Variants in TNFSF4 observed in about 807,000 individuals in gnomAD.
The protein encoded by TNFSF4 is TNF superfamily member 4, also known as tumor necrosis factor ligand superfamily member 4.
A neutral mutation model predicts 7.3 loss-of-function variants in TNFSF4; 4 were observed. That is an observed-to-expected ratio of 0.55 (90% confidence interval 0.27 to 1.25). TNFSF4 has a LOEUF of 1.25. Ranked by LOEUF, TNFSF4 falls within the 50% of genes most tolerant of loss-of-function variation. The pLI is 0.12. For synonymous variants in TNFSF4, 76 were observed against 83.7 expected, an observed-to-expected ratio of 0.91 and a Z score of 0.50; for missense variants, 181 against 208.8, an observed-to-expected ratio of 0.87 and a Z score of 0.82.
At chr1:173,225,298 C>T in the TNFSF4 span, among the ~76,000 whole-genome samples, 18 of 152,306 alleles carry the variant, frequency 1.2e-4, no homozygotes, top group African/African-American at 4.3e-4. Flanking sequence ...TTCCTGACTT[C>T]TAAACATCAC....
At chr1:173,401,776 TAC>T in the TNFSF4 span, among the ~76,000 whole-genome samples, 1 of 152,084 alleles carries the variant, frequency 6.6e-6, no homozygotes, top group Admixed American at 6.6e-5. Flanking sequence ...TACATACATA[TAC>T]ACACACATAT....
At chr1:173,335,260 G>A in the TNFSF4 span, among the ~76,000 whole-genome samples, 1 of 152,070 alleles carries the variant, frequency 6.6e-6, no homozygotes, top group African/African-American at 2.4e-5. Flanking sequence ...AGATTGGAAT[G>A]TTAGAGTGGA....
chr1:173,305,252 T>G, the TNFSF4 span, among the ~76,000 whole-genome samples: 1 of 151,974 alleles, frequency 6.6e-6, no homozygotes, highest in Non-Finnish European at 1.5e-5. Flanking sequence ...TCCTGTTATT[T>G]CCCATAAATT....
At chr1:173,313,220 TA>T in the TNFSF4 span, among the ~76,000 whole-genome samples, 1 of 152,148 alleles carries the variant, frequency 6.6e-6, no homozygotes, top group African/African-American at 2.4e-5. Flanking sequence ...TTATACAGTT[TA>T]TTTTTTTCTT....
chr1:173,332,550 A>T, the TNFSF4 span, among the ~76,000 whole-genome samples: 1 of 151,418 alleles, frequency 6.6e-6, no homozygotes, highest in East Asian at 2.0e-4. Context: ...AAATTAATTA[A>T]TTAAATAAAA....
At chr1:173,448,537 G>A in the TNFSF4 span, among the ~76,000 whole-genome samples, 1 of 152,096 alleles carries the variant, frequency 6.6e-6, no homozygotes, top group East Asian at 1.9e-4. Context: ...GATAGGGGTG[G>A]GGCCATTTTA....
chr1:173,268,101 C>G, the TNFSF4 span, among the ~76,000 whole-genome samples: 65 of 152,226 alleles, frequency 4.3e-4, 2 homozygotes, highest in South Asian at 0.013. Flanking sequence ...AAGACATCCT[C>G]AGATTAAGGG....
the TNFSF4 span, among the ~76,000 whole-genome samples, chr1:173,292,006 C>CA: frequency 2.1e-4 from 31 of 144,266 alleles, no homozygotes; most frequent in African/African-American, 4.7e-4. Flanking sequence ...AATCTACCAA[C>CA]AAAAAAAAAA....
the TNFSF4 span, among the ~76,000 whole-genome samples, chr1:173,279,209 A>G: frequency 6.6e-6 from 1 of 152,122 alleles, no homozygotes; most frequent in Non-Finnish European, 1.5e-5. Flanking sequence ...TCAAATGAAC[A>G]TCTACATTTC....
At chr1:173,245,069 A>T in the TNFSF4 span, among the ~76,000 whole-genome samples, 6 of 151,898 alleles carry the variant, frequency 4.0e-5, no homozygotes, top group African/African-American at 1.5e-4. Flanking sequence ...CTTCTACAGA[A>T]GAGAAAAGGA....
At chr1:173,222,527 G>A in the TNFSF4 span, among the ~76,000 whole-genome samples, 1 of 152,190 alleles carries the variant, frequency 6.6e-6, no homozygotes, top group African/African-American at 2.4e-5. Context: ...AAATTAGCAA[G>A]ATTTAGAGGT....
chr1:173,311,846 G>A, the TNFSF4 span, among the ~76,000 whole-genome samples: 2 of 152,082 alleles, frequency 1.3e-5, no homozygotes, highest in African/African-American at 2.4e-5. Context: ...ATTTGGAGAC[G>A]AGGAGCAACA....
At chr1:173,384,186 T>C in the TNFSF4 span, among the ~76,000 whole-genome samples, 24 of 152,282 alleles carry the variant, frequency 1.6e-4, no homozygotes, top group Middle Eastern at 3.4e-3. Flanking sequence ...AGTGTAAAGA[T>C]CAGCAAATAT....
chr1:173,321,938 A>C, the TNFSF4 span, among the ~76,000 whole-genome samples: 1 of 152,198 alleles, frequency 6.6e-6, no homozygotes, highest in Non-Finnish European at 1.5e-5. Context: ...CAGTAATACC[A>C]TTTGACCCAA....
chr1:173,244,041 TCTC>T, the TNFSF4 span, among the ~76,000 whole-genome samples: 1 of 152,182 alleles, frequency 6.6e-6, no homozygotes, highest in Non-Finnish European at 1.5e-5. Flanking sequence ...CACGTTTTCT[TCTC>T]CTGATCTTGT....
At chr1:173,243,518 C>T in the TNFSF4 span, among the ~76,000 whole-genome samples, 1 of 152,174 alleles carries the variant, frequency 6.6e-6, no homozygotes, top group Admixed American at 6.5e-5. Flanking sequence ...TGGTCTGTTA[C>T]TATGCAGTGG....
chr1:173,328,305 A>G, the TNFSF4 span, among the ~76,000 whole-genome samples: 809 of 145,724 alleles, frequency 5.6e-3, 6 homozygotes, highest in Non-Finnish European at 9.2e-3. Flanking sequence ...ATTGAACAAT[A>G]AGAACACATG....
chr1:173,249,203 C>G, the TNFSF4 span, among the ~76,000 whole-genome samples: 2 of 152,286 alleles, frequency 1.3e-5, no homozygotes, highest in African/African-American at 4.8e-5. Context: ...GTGGAAAATA[C>G]TAGAGAGTGA....
chr1:173,426,007 A>G, the TNFSF4 span, among the ~76,000 whole-genome samples: 1 of 152,258 alleles, frequency 6.6e-6, no homozygotes, highest in Admixed American at 6.5e-5. Flanking sequence ...GAAAAGGCAT[A>G]TAGACTTATC....
Sources: gnomAD v4.1 joint callset for allele counts (sites outside exome capture counted in the v4.1 genomes callset) on GRCh38, gnomAD v4.1.1 for gene constraint, MANE v1.5 for transcripts, NCBI Gene and HGNC (gene_info 2026-07-23, HGNC 2026-07-21) for gene names.